MAGI2: variants seen among roughly 807,000 people sequenced by gnomAD.
The protein encoded by MAGI2 is membrane-associated guanylate kinase, WW and PDZ domain-containing protein 2.
MAGI2 carries 35 observed loss-of-function variants against 133.3 expected under a neutral mutation model. The observed-to-expected ratio is 0.26, with a 90% CI of 0.20 to 0.35. The LOEUF is 0.35. Ranked by LOEUF, MAGI2 falls within the 10% of genes least tolerant of loss-of-function variation. The probability of loss-of-function intolerance (pLI) is 1.00; values close to 1 mark genes in which losing one functional copy is unlikely to be tolerated. For synonymous variants in MAGI2, 729 were observed against 710.6 expected (o/e 1.03, Z -0.41); for missense variants, 1,636 against 1,863.4 (o/e 0.88, Z 2.25).
At chr7:78,293,113 A>G (rs1037865904) in intron 9 of MAGI2, among the ~76,000 whole-genome samples, 1 of 152,268 alleles carries the variant, frequency 6.6e-6, no homozygotes, top group Non-Finnish European at 1.5e-5. Context: ...GAGCTTGTGC[A>G]CTGCAAAAGA....
chr7:78,032,009 CTTTTTTTT>C (rs377672697), intron 21 of MAGI2, among the ~76,000 whole-genome samples: 18 of 124,200 alleles, frequency 1.4e-4, no homozygotes, highest in Non-Finnish European at 1.5e-4. Flanking sequence ...AGCCCCCCCA[CTTTTTTTT>C]TTTTTTTTTT....
At chr7:78,900,709 C>A (rs147226337) in intron 2 of MAGI2, among the ~76,000 whole-genome samples, 1,555 of 152,238 alleles carry the variant, frequency 0.01, 26 homozygotes, top group African/African-American at 0.035. Context: ...ACTGATTAAT[C>A]CTATTAATTA....
chr7:78,621,692 C>T (rs147644823), intron 3 of MAGI2, among the ~76,000 whole-genome samples: 1 of 152,092 alleles, frequency 6.6e-6, no homozygotes, highest in Non-Finnish European at 1.5e-5. Context: ...ACATTAAGCC[C>T]TTCCTTGCAG....
At chr7:78,569,595 G>C (rs1404643331) in intron 3 of MAGI2, among the ~76,000 whole-genome samples, 1 of 152,000 alleles carries the variant, frequency 6.6e-6, no homozygotes. Context: ...AGAAAAAAAA[G>C]TAAAACATTA....
At chr7:78,218,897 T>C (rs189297921) in intron 10 of MAGI2, among the ~76,000 whole-genome samples, 1 of 152,224 alleles carries the variant, frequency 6.6e-6, no homozygotes, top group East Asian at 1.9e-4. Context: ...TCTTCACAGC[T>C]GGCACCTGCT....
chr7:78,183,719 G>A (rs956264451), intron 13 of MAGI2, among the ~76,000 whole-genome samples: 10 of 152,114 alleles, frequency 6.6e-5, no homozygotes, highest in African/African-American at 1.7e-4. Flanking sequence ...ACAGGCATGC[G>A]CCACAGCGCC....
rs534367642 is a variant in MAGI2 at position 78,855,389 on chromosome 7, T to G, written c.418+151701A>C. 3.9e-5 allele frequency among the ~76,000 whole-genome samples: 6 copies of G among 152,340 alleles called. No individual in the cohort carries two copies. The South Asian group carries it at 1.2e-3, about 32-fold the overall frequency. ...CATTTACATTAGGTATATCTCCTAA[T>G]GCTATCCCTTCTCCCTCCCTCCACC... On this transcript the variant is annotated intron_variant, in intron 2 of 21. Transcript: ENST00000354212.
chr7:78,543,025 A>T (rs1798540396), intron 3 of MAGI2, among the ~76,000 whole-genome samples: 1 of 152,184 alleles, frequency 6.6e-6, no homozygotes, highest in Admixed American at 6.5e-5. Context: ...AAACAAAATG[A>T]TTTCCTAAGC....
chr7:78,728,271 A>G (rs2151217626), intron 2 of MAGI2, among the ~76,000 whole-genome samples: 1 of 152,328 alleles, frequency 6.6e-6, no homozygotes, highest in East Asian at 1.9e-4. Context: ...TAGATTATAG[A>G]TTATTATATA....
At chr7:78,578,947 A>G (rs1173458045) in intron 3 of MAGI2, among the ~76,000 whole-genome samples, 2 of 152,160 alleles carry the variant, frequency 1.3e-5, no homozygotes, top group East Asian at 1.9e-4. Context: ...GCTTTTCCCA[A>G]TCACTTTTTG....
chr7:78,393,772 G>A (rs527558577), intron 6 of MAGI2, among the ~76,000 whole-genome samples: 2 of 152,122 alleles, frequency 1.3e-5, no homozygotes, highest in South Asian at 2.1e-4. Context: ...GTATGTGCAC[G>A]ACATTGCCTA....
At chr7:78,419,957 T>A (rs1009602966) in intron 6 of MAGI2, among the ~76,000 whole-genome samples, 2 of 152,128 alleles carry the variant, frequency 1.3e-5, no homozygotes, top group African/African-American at 4.8e-5. Flanking sequence ...AAGCAGGCAT[T>A]AAAGTGACCT....
intron 10 of MAGI2, chr7:78,254,066 A>C (rs1446192007): frequency 6.6e-6 from 1 of 152,176 alleles, no homozygotes; most frequent in Non-Finnish European, 1.5e-5. Context: ...AAAAACAAAA[A>C]CCAATTCCCT....
At chr7:78,031,414 C>T (rs1031194420) in intron 21 of MAGI2, among the ~76,000 whole-genome samples, 3 of 152,024 alleles carry the variant, frequency 2.0e-5, no homozygotes, top group African/African-American at 7.3e-5. Flanking sequence ...TATTTTTAAA[C>T]CTGGGTGAAG....
At chr7:79,198,819 C>T (rs1407482643) in intron 1 of MAGI2, among the ~76,000 whole-genome samples, 1 of 151,832 alleles carries the variant, frequency 6.6e-6, no homozygotes, top group Non-Finnish European at 1.5e-5. Context: ...ACCCAAGAGG[C>T]AGATGTTGTA....
intron 1 of MAGI2, among the ~76,000 whole-genome samples, chr7:79,028,786 A>T (rs1810278550): frequency 6.6e-6 from 1 of 152,132 alleles, no homozygotes; most frequent in Admixed American, 6.5e-5. Flanking sequence ...TCCATGTCAT[A>T]AAAGAGGGCT....
chr7:78,808,431 T>C (rs905708818), intron 2 of MAGI2, among the ~76,000 whole-genome samples: 3 of 152,072 alleles, frequency 2.0e-5, no homozygotes, highest in African/African-American at 7.2e-5. Context: ...TAATTTTTTG[T>C]ATTTTTAGTA....
chr7:78,933,048 T>C (rs1192776020), intron 2 of MAGI2, among the ~76,000 whole-genome samples: 2 of 152,126 alleles, frequency 1.3e-5, no homozygotes, highest in Non-Finnish European at 2.9e-5. Flanking sequence ...ACCAGTCGAT[T>C]ATTATGCTGA....
chr7:79,331,037 G>T (rs556997494), intron 1 of MAGI2, among the ~76,000 whole-genome samples: 53 of 151,922 alleles, frequency 3.5e-4, no homozygotes, highest in Non-Finnish European at 7.4e-4. Flanking sequence ...TATTTGTTTT[G>T]CTGTCTATTA....
Sources: gnomAD v4.1 joint callset for allele counts (sites outside exome capture counted in the v4.1 genomes callset) on GRCh38, gnomAD v4.1.1 for gene constraint, MANE v1.5 for transcripts, NCBI Gene and HGNC (gene_info 2026-07-23, HGNC 2026-07-21) for gene names.